Variants in SINHCAF observed in about 807,000 individuals in gnomAD.
The protein encoded by SINHCAF is SIN3-HDAC complex-associated factor.
A neutral mutation model predicts 25.8 loss-of-function variants in SINHCAF; 3 were observed. The ratio of observed to expected loss-of-function variants is 0.12; its 90% CI spans 0.05 to 0.30. The LOEUF is 0.30. SINHCAF is among the 10% of genes least tolerant of loss of function. The pLI, the probability that SINHCAF is intolerant of heterozygous loss-of-function variation, is 1.00. For synonymous variants in SINHCAF, 70 were observed against 85.5 expected (o/e 0.82, Z 1.00); for missense variants, 121 against 262.3 (o/e 0.46, Z 3.72).
intron 1 of SINHCAF, among the ~76,000 whole-genome samples, chr12:31,312,636 C>A (rs140814719): frequency 6.6e-6 from 1 of 152,230 alleles, no homozygotes; most frequent in Non-Finnish European, 1.5e-5. Context: ...ATTTAGGTAT[C>A]CTCTTCAGTC....
At chr12:31,314,137 A>C (rs1592986664) in intron 1 of SINHCAF, among the ~76,000 whole-genome samples, 1 of 151,774 alleles carries the variant, frequency 6.6e-6, no homozygotes, top group Non-Finnish European at 1.5e-5. Context: ...GGGCCTTTGG[A>C]GCCGTGTTTC....
intron 1 of SINHCAF, among the ~76,000 whole-genome samples, chr12:31,315,196 T>G (rs1939450586): frequency 6.6e-6 from 1 of 152,168 alleles, no homozygotes; most frequent in Non-Finnish European, 1.5e-5. Flanking sequence ...AGTTGAGAAT[T>G]TGGTTCATAT....
intron 1 of SINHCAF, among the ~76,000 whole-genome samples, chr12:31,309,151 G>C (rs904865857): frequency 3.4e-5 from 4 of 116,206 alleles, no homozygotes; most frequent in African/African-American, 9.5e-5. Context: ...AAAAAAAAAA[G>C]AACACTATCA....
At chr12:31,304,646 G>A (rs1365915428) in intron 1 of SINHCAF, 1 of 152,226 alleles carries the variant, frequency 6.6e-6, no homozygotes, top group Non-Finnish European at 1.5e-5. Flanking sequence ...GGGAACTGAT[G>A]TAAGTATATG....
chr12:31,296,999 A>G, intron 2 of SINHCAF: 1 of 444,348 alleles, frequency 2.3e-6, no homozygotes, highest in East Asian at 7.2e-5. Flanking sequence ...CACACCTGTG[A>G]ATAGCTACTG....
chr12:31,301,492 C>T (rs1371838737), intron 1 of SINHCAF, among the ~76,000 whole-genome samples: 1 of 152,188 alleles, frequency 6.6e-6, no homozygotes, highest in Non-Finnish European at 1.5e-5. Context: ...GACACCTGTC[C>T]TTATGCAACA....
intron 1 of SINHCAF, among the ~76,000 whole-genome samples, chr12:31,310,276 A>G (rs1939212515): frequency 6.6e-6 from 1 of 152,162 alleles, no homozygotes; most frequent in Non-Finnish European, 1.5e-5. Context: ...TTCCTCTGAG[A>G]AATGGGGTTT....
intron 1 of SINHCAF, among the ~76,000 whole-genome samples, chr12:31,321,853 T>C (rs1321619866): frequency 1.3e-5 from 2 of 152,220 alleles, no homozygotes; most frequent in African/African-American, 4.8e-5. Flanking sequence ...TGGTTTAGAT[T>C]TAAAAGTTTA....
In SINHCAF at chr12:31,324,405, G is replaced by A. The variant is rs1939859286; in HGVS notation, c.-21+1619C>T. The A allele has an allele frequency of 6.2e-6, 1 of 160,500 alleles. No homozygotes were observed. Among genetic ancestry groups the A allele is most frequent in the South Asian group, 1.8e-4 (1 of 5,592 alleles). 9.9% of individuals were successfully genotyped at this position (160,500 alleles called of 1,614,324 possible). On this transcript the variant is annotated intron_variant, in intron 1 of 5. Transcript: ENST00000337682. This position sits in a 1 kb window ranked among gnomAD's most constrained non-coding sequence, Gnocchi z 5.5. ...CGTCGCAACCCCCGACGCCAGGGCT[G>A]AAGCGCCGGGCACTGCCGCCTCCCT...
chr12:31,307,359 C>A (rs1939073245), intron 1 of SINHCAF, among the ~76,000 whole-genome samples: 1 of 152,036 alleles, frequency 6.6e-6, no homozygotes. Flanking sequence ...AGTTTGAGAC[C>A]AGCCTGGGCA....
intron 1 of SINHCAF, 132 bp from the exon 2 acceptor site, chr12:31,298,356 GA>G (rs1297377637): frequency 1.0e-6 from 1 of 959,190 alleles, no homozygotes; most frequent in Non-Finnish European, 1.6e-6. Flanking sequence ...CAGCTCAAGG[GA>G]AGACCTCCTG....
chr12:31,299,959 A>G (rs1379938488), intron 1 of SINHCAF, among the ~76,000 whole-genome samples: 1 of 152,222 alleles, frequency 6.6e-6, no homozygotes, highest in East Asian at 1.9e-4. Context: ...GTGCATCTAA[A>G]TATAGAAAAG....
intron 1 of SINHCAF, chr12:31,298,540 C>T: frequency 3.1e-6 from 1 of 318,872 alleles, no homozygotes; most frequent in Non-Finnish European, 6.0e-6. Context: ...ATGCCACAAA[C>T]AATCCTGTAA....
rs1937763446 is a variant in SINHCAF at position 31,280,913 on chromosome 12, T to C, written c.*1799A>G. ...ATGATAATGGCTGGACTTTTGTAAT[T>C]CACCTCAAAGACTGTGGGAGAGCCA... On this transcript the variant is annotated 3_prime_UTR_variant, in exon 6 of 6. Coordinates refer to ENST00000337682, the MANE Select transcript of SINHCAF (RefSeq NM_001135812.2). 1 of 152,254 alleles carries C rather than the reference T, an allele frequency of 6.6e-6. No homozygotes were observed. The highest frequency in any genetic ancestry group is 1.5e-5 in the Non-Finnish European group (1 of 68,046). 9.4% of individuals were successfully genotyped at this position (152,254 alleles called of 1,614,324 possible). A position where few individuals can be genotyped will look rare whatever the true frequency, so the allele number is the denominator to read the frequency against.
intron 5 of SINHCAF, among the ~76,000 whole-genome samples, chr12:31,283,932 G>C (rs1937925510): frequency 6.6e-6 from 1 of 151,368 alleles, no homozygotes; most frequent in African/African-American, 2.4e-5. Flanking sequence ...TCAACGTTGA[G>C]ATCCATACAT....
In SINHCAF at chr12:31,282,142, A is replaced by G. The variant is rs1937830182; in HGVS notation, c.*570T>C. Reference sequence around the variant, plus strand: ...GACTAAAAACTACATACAGTTTATCATACAACAAATCCCATCTCTGTCCCC... The same window carrying G: ...GACTAAAAACTACATACAGTTTATCGTACAACAAATCCCATCTCTGTCCCC... On this transcript the variant is annotated 3_prime_UTR_variant, in exon 6 of 6. Transcript: ENST00000337682. 2 of 152,546 alleles carry G rather than the reference A, an allele frequency of 1.3e-5. No homozygotes were observed. Among genetic ancestry groups the G allele is most frequent in the Non-Finnish European group, 2.9e-5 (2 of 68,020 alleles). The allele number at this position is 152,546 out of a possible 1,614,324, so 9.4% of individuals were successfully genotyped here. A position where few individuals can be genotyped will look rare whatever the true frequency, so the allele number is the denominator to read the frequency against.
rs1346596743 is a variant in SINHCAF, at chr12:31,324,200, C to T, written c.-21+1824G>A. ...AGCCCGGCCCGGCGCCTCCCGCAGGCCGCGCCTCCCGCACGCCGCGCTGCC... is the reference window on the plus strand; with the variant it reads ...AGCCCGGCCCGGCGCCTCCCGCAGGTCGCGCCTCCCGCACGCCGCGCTGCC... On this transcript the variant is annotated intron_variant, in intron 1 of 5. Coordinates refer to ENST00000337682, the MANE Select transcript of SINHCAF (RefSeq NM_001135812.2). The surrounding 1 kb of genome is among the most constrained non-coding windows in gnomAD (Gnocchi z 5.5). 2 of 207,340 alleles carry T rather than the reference C, an allele frequency of 9.6e-6. No homozygotes were observed. The highest frequency in any genetic ancestry group is 1.5e-4 in the South Asian group (2 of 13,242). 12.8% of individuals were successfully genotyped at this position (207,340 alleles called of 1,614,324 possible).
rs1216724891 is a variant in SINHCAF at position 31,324,245 on chromosome 12, G to A, written c.-21+1779C>T. 2 of 194,792 alleles carry A rather than the reference G, an allele frequency of 1.0e-5. No individual in the cohort carries two copies. The highest frequency in any genetic ancestry group is 4.8e-5 in the African/African-American group (2 of 41,644). 12.1% of individuals were successfully genotyped at this position (194,792 alleles called of 1,614,324 possible). A position where few individuals can be genotyped will look rare whatever the true frequency, so the allele number is the denominator to read the frequency against. On this transcript the variant is annotated intron_variant, in intron 1 of 5. Coordinates refer to ENST00000337682, the MANE Select transcript of SINHCAF (RefSeq NM_001135812.2). The surrounding 1 kb of genome is among the most constrained non-coding windows in gnomAD (Gnocchi z 5.5). Reference sequence around the variant, plus strand: ...GCTGCCGGGGCTTGTTCCTCCTCATGGCTTTGCCCTGACGTAATTCAAACA... The same window carrying A: ...GCTGCCGGGGCTTGTTCCTCCTCATAGCTTTGCCCTGACGTAATTCAAACA...
At chr12:31,297,541 C>T (rs567916091) in intron 2 of SINHCAF, among the ~76,000 whole-genome samples, 7 of 140,082 alleles carry the variant, frequency 5.0e-5, no homozygotes, top group African/African-American at 1.9e-4. Context: ...GGCGTGATCT[C>T]GGCTCACTAC....
Sources: gnomAD v4.1 joint callset for allele counts (sites outside exome capture counted in the v4.1 genomes callset) on GRCh38, gnomAD v4.1.1 for gene constraint, Gnocchi (gnomAD v3.1) non-coding constraint, MANE v1.5 for transcripts, NCBI Gene and HGNC (gene_info 2026-07-23, HGNC 2026-07-21) for gene names.